Variants in ATP1A1 observed in about 807,000 individuals in gnomAD.
The protein encoded by ATP1A1 is sodium/potassium-transporting ATPase subunit alpha-1.
A neutral mutation model predicts 114.8 loss-of-function variants in ATP1A1; 14 were observed. The observed-to-expected ratio is 0.12, with a 90% CI of 0.08 to 0.19. The LOEUF (loss-of-function observed/expected upper bound fraction) is 0.19, where lower values mean the gene tolerates loss of function less well. Ranked by LOEUF, ATP1A1 falls within the 10% of genes least tolerant of loss-of-function variation. ATP1A1 has a pLI of 1.00. For missense variants in ATP1A1, 524 were observed against 1,290.7 expected (o/e 0.41, Z 9.10); for synonymous variants, 471 against 466.3 (o/e 1.01, Z -0.13).
chr1:116,378,378 A>C (rs1443136956), intron 1 of ATP1A1, among the ~76,000 whole-genome samples: 1 of 152,126 alleles, frequency 6.6e-6, no homozygotes, highest in Non-Finnish European at 1.5e-5. Flanking sequence ...TTTTATTCAA[A>C]CCCTATTTAG....
intron 1 of ATP1A1, 67 bp downstream of exon 1, chr1:116,373,590 A>G: frequency 7.5e-7 from 1 of 1,335,646 alleles, no homozygotes; most frequent in Non-Finnish European, 9.7e-7. Context: ...GGAAGTCGGG[A>G]GGGCGACCGC....
Position 116,392,874 on chromosome 1 carries a change from C to T in ATP1A1, c.1353C>T (p.Ala451=), listed in dbSNP as rs1652581062. 4 of 1,613,020 alleles carry T rather than the reference C, an allele frequency of 2.5e-6. No homozygotes were observed. The highest frequency in any genetic ancestry group is 3.4e-6 in the Non-Finnish European group (4 of 1,179,586). ...CACAGCGGGCAGTTGCAGGAGATGC[C>T]TCTGAGTCAGCACTCTTAAAGTGCA... The part of the protein sequence containing the change: ...PILKRAVAGD[A]SESALLKCIE... Residue 451 remains alanine (A), a synonymous_variant, in exon 11 of 23, where the codon GCC becomes GCT. Transcript: ENST00000295598.
At position 116,401,709 on chromosome 1, in the gene ATP1A1, TCCC is replaced by T; in HGVS notation, c.2951+58_2951+60del. 2 of 1,528,400 alleles carry T rather than the reference TCCC, an allele frequency of 1.3e-6. No individual in the cohort carries two copies. The highest frequency in any genetic ancestry group is 1.7e-5 in the Admixed American group (1 of 58,202). 94.7% of individuals were successfully genotyped at this position (1,528,400 alleles called of 1,614,324 possible). A position where few individuals can be genotyped will look rare whatever the true frequency, so the allele number is the denominator to read the frequency against. On this transcript the variant is annotated intron_variant, in intron 21 of 22. Coordinates refer to ENST00000295598, the MANE Select transcript of ATP1A1 (RefSeq NM_000701.8). This position sits in a 1 kb window ranked among gnomAD's most constrained non-coding sequence, Gnocchi z 4.7. ...AGTATGAAATAGTATGTGTGGCTTT[TCCC>T]CCCATTACTTGTGGTAATAGTTGTT... is the stretch of plus-strand genomic sequence containing the variant.
intron 1 of ATP1A1, among the ~76,000 whole-genome samples, chr1:116,379,832 A>C (rs775145825): frequency 2.0e-5 from 3 of 152,194 alleles, no homozygotes; most frequent in Non-Finnish European, 4.4e-5. Flanking sequence ...CTTACCTTTT[A>C]CATTGAAGGT....
At chr1:116,374,054 C>G (rs1651185422) in intron 1 of ATP1A1, 2 of 1,404,716 alleles carry the variant, frequency 1.4e-6, no homozygotes, top group East Asian at 2.7e-5. Flanking sequence ...CGCCGCGGCC[C>G]CGGTTCCGGC....
chr1:116,384,677 C>T lies in ATP1A1; in HGVS notation c.124-106C>T. The T allele has an allele frequency of 1.0e-6, 1 of 998,952 alleles. No homozygotes were observed. Among genetic ancestry groups the T allele is most frequent in the South Asian group, 1.5e-5 (1 of 65,872 alleles). The allele number at this position is 998,952 out of a possible 1,614,324, so 61.9% of individuals were successfully genotyped here. ...ACTTATGCACTGAAGAAAACATCTG[C>T]ACTTTGTTTAATAAGCTTAATGATA... On this transcript the variant is annotated intron_variant, in intron 2 of 22. Coordinates refer to ENST00000295598, the MANE Select transcript of ATP1A1 (RefSeq NM_000701.8). The surrounding 1 kb of genome is among the most constrained non-coding windows in gnomAD (Gnocchi z 5.1).
At chr1:116,373,806 G>C (rs1240269797) in intron 1 of ATP1A1, 3 of 1,233,254 alleles carry the variant, frequency 2.4e-6, no homozygotes, top group Non-Finnish European at 2.0e-6. Flanking sequence ...GAGGCCGAGC[G>C]GGCCGGGGGC....
chr1:116,388,277 A>C lies in ATP1A1; in HGVS notation c.501+33A>C. On this transcript the variant is annotated intron_variant, in intron 5 of 22. Coordinates refer to ENST00000295598, the MANE Select transcript of ATP1A1 (RefSeq NM_000701.8). This position sits in a 1 kb window ranked among gnomAD's most constrained non-coding sequence, Gnocchi z 5.6. ...ACGCTTTGTCCTTCCCCAGTGGATG[A>C]CTTGACAGCCCCAAGCATGTCAGCC... The C allele has an allele frequency of 1.3e-6, 2 of 1,498,864 alleles. No individual in the cohort carries two copies. The highest frequency in any genetic ancestry group is 1.9e-6 in the Non-Finnish European group (2 of 1,075,530). The allele number at this position is 1,498,864 out of a possible 1,614,324, so 92.8% of individuals were successfully genotyped here.
chr1:116,385,018 T>C lies in ATP1A1; in HGVS notation c.183+176T>C, dbSNP rs933964191. 1.6e-6 allele frequency: 1 copy of C among 621,500 alleles called. No individual in the cohort carries two copies. The highest frequency in any genetic ancestry group is 1.9e-5 in the African/African-American group (1 of 51,502). The allele number at this position is 621,500 out of a possible 1,614,324, so 38.5% of individuals were successfully genotyped here. ...GGCATTTATATGCTACCGTTTCTTT[T>C]CCCTGAAACTTTTTGAAAGTAGATG... On this transcript the variant is annotated intron_variant, in intron 3 of 22. Transcript: ENST00000295598. The surrounding 1 kb of genome is among the most constrained non-coding windows in gnomAD (Gnocchi z 4.3).
In ATP1A1 at chr1:116,383,995, T is replaced by C. The variant is rs850608; in HGVS notation, c.13-19T>C. On this transcript the variant is annotated intron_variant, in intron 1 of 22. Coordinates refer to ENST00000295598, the MANE Select transcript of ATP1A1 (RefSeq NM_000701.8). ...AGGTTCATAATTCATGGCCTCACTTTTCCCACATTCTCCTACAGGTTGGAC... is the reference window on the plus strand; with the variant it reads ...AGGTTCATAATTCATGGCCTCACTTCTCCCACATTCTCCTACAGGTTGGAC... The C allele has an allele frequency of 6.2e-7, 1 of 1,604,112 alleles. No homozygotes were observed. The highest frequency in any genetic ancestry group is 8.5e-7 in the Non-Finnish European group (1 of 1,173,732).
chr1:116,399,196 C>T lies in ATP1A1; in HGVS notation c.2448+112C>T. On this transcript the variant is annotated intron_variant, in intron 17 of 22. Transcript: ENST00000295598. This position sits in a 1 kb window ranked among gnomAD's most constrained non-coding sequence, Gnocchi z 5.0. ...GGCTGGCGTTGGGAAAAGAAATTCT[C>T]AGGACCAGTATCCAGTGTGTGTCCC... The T allele has an allele frequency of 6.7e-7, 1 of 1,503,460 alleles. No individual in the cohort carries two copies. Among genetic ancestry groups the T allele is most frequent in the Middle Eastern group, 1.8e-4 (1 of 5,638 alleles). The allele number at this position is 1,503,460 out of a possible 1,614,324, so 93.1% of individuals were successfully genotyped here. A position where few individuals can be genotyped will look rare whatever the true frequency, so the allele number is the denominator to read the frequency against.
chr1:116,394,730 A>T (rs1384980970), intron 12 of ATP1A1, among the ~76,000 whole-genome samples: 4 of 152,190 alleles, frequency 2.6e-5, no homozygotes, highest in African/African-American at 9.7e-5. Context: ...ATGTTTCCAG[A>T]GAAGGCAGCT....
Position 116,389,337 on chromosome 1 carries a change from C to A in ATP1A1, c.755-102C>A. The A allele has an allele frequency of 6.8e-7, 1 of 1,480,940 alleles. No homozygotes were observed. The highest frequency in any genetic ancestry group is 9.1e-7 in the Non-Finnish European group (1 of 1,096,052). 91.7% of individuals were successfully genotyped at this position (1,480,940 alleles called of 1,614,324 possible). On this transcript the variant is annotated intron_variant, in intron 7 of 22. Coordinates refer to ENST00000295598, the MANE Select transcript of ATP1A1 (RefSeq NM_000701.8). The surrounding 1 kb of genome is among the most constrained non-coding windows in gnomAD (Gnocchi z 6.9). ...GGCCCTTAAAAAGTGCTTTTATCAA[C>A]TCTTTTTGTTTTTTTAGTCATCCTA...
At chr1:116,392,079 ATC>A (rs1652510918) in intron 10 of ATP1A1, among the ~76,000 whole-genome samples, 1 of 152,214 alleles carries the variant, frequency 6.6e-6, no homozygotes, top group African/African-American at 2.4e-5. Flanking sequence ...CTGAGCATTG[ATC>A]TGTTCATCTG....
intron 10 of ATP1A1, 67 bp from the exon 11 acceptor site, chr1:116,392,787 C>A: frequency 6.4e-7 from 1 of 1,555,088 alleles, no homozygotes; most frequent in South Asian, 1.2e-5. Context: ...GTTATTTTTC[C>A]TGTTTTTTAG....
At chr1:116,374,108 G>A (rs1651189957) in intron 1 of ATP1A1, 1 of 1,492,560 alleles carries the variant, frequency 6.7e-7, no homozygotes, top group African/African-American at 1.4e-5. Context: ...TGGGGACGCT[G>A]GGGCTTAGCT....
chr1:116,379,968 G>A (rs1001675729), intron 1 of ATP1A1, among the ~76,000 whole-genome samples: 3 of 152,164 alleles, frequency 2.0e-5, no homozygotes, highest in African/African-American at 7.2e-5. Flanking sequence ...TGGCAACTCC[G>A]AAATGGGCTG....
chr1:116,380,643 C>T (rs1002034091), intron 1 of ATP1A1, among the ~76,000 whole-genome samples: 2 of 152,192 alleles, frequency 1.3e-5, no homozygotes, highest in African/African-American at 4.8e-5. Context: ...TCGGGGATGT[C>T]TCACTCATTG....
At chr1:116,374,348 G>T in intron 1 of ATP1A1, 1 of 1,511,272 alleles carries the variant, frequency 6.6e-7, no homozygotes, top group Non-Finnish European at 9.0e-7. Context: ...GATTTTTTTT[G>T]AAGGGACGAG....
Sources: allele counts gnomAD v4.1 joint callset (sites outside exome capture counted in the v4.1 genomes callset), GRCh38; gene constraint gnomAD v4.1.1; non-coding constraint Gnocchi (gnomAD v3.1); transcripts MANE v1.5; gene names NCBI Gene and HGNC (gene_info 2026-07-23, HGNC 2026-07-21).